Variants in PLCL2 observed in about 807,000 individuals in gnomAD.
PLCL2 encodes the protein inactive phospholipase C-like protein 2.
In PLCL2, 4 loss-of-function variants were observed where a neutral mutation model predicts 79.6. The observed-to-expected ratio is 0.05, with a 90% CI of 0.02 to 0.11. The LOEUF (loss-of-function observed/expected upper bound fraction) is 0.11, where lower values mean the gene tolerates loss of function less well. Among genes scored for constraint, PLCL2 ranks in the 10% least tolerant of loss-of-function variants. The pLI is 1.00. For missense variants in PLCL2, 895 were observed against 1,291.0 expected (o/e 0.69, Z 4.70); for synonymous variants, 484 against 457.7 (o/e 1.06, Z -0.73).
At chr3:17,051,259 G>A (rs1040431915) in intron 4 of PLCL2, among the ~76,000 whole-genome samples, 1 of 152,110 alleles carries the variant, frequency 6.6e-6, no homozygotes, top group Admixed American at 6.6e-5. Context: ...CAGGGGTGCT[G>A]TAGTCATTAA....
chr3:16,921,179 G>C (rs1018059562), intron 1 of PLCL2, among the ~76,000 whole-genome samples: 1 of 152,216 alleles, frequency 6.6e-6, no homozygotes, highest in Non-Finnish European at 1.5e-5. Flanking sequence ...ACATGGTAGG[G>C]AGAGAGCTAG....
At chr3:17,057,279 C>G (rs774287849) in intron 4 of PLCL2, among the ~76,000 whole-genome samples, 3 of 152,172 alleles carry the variant, frequency 2.0e-5, no homozygotes, top group Non-Finnish European at 4.4e-5. Context: ...CTCAGCATTT[C>G]TCAAACTTAT....
At chr3:16,912,881 C>A (rs1455686804) in intron 1 of PLCL2, among the ~76,000 whole-genome samples, 1 of 152,212 alleles carries the variant, frequency 6.6e-6, no homozygotes, top group East Asian at 1.9e-4. Flanking sequence ...TGACTGTATT[C>A]TCATCATCCC....
chr3:17,003,196 T>C lies in PLCL2; in HGVS notation c.328-6478T>C, dbSNP rs1166522412. Among the ~76,000 whole-genome samples the C allele has an allele frequency of 3.9e-5, 6 of 152,198 alleles. No individual in the cohort carries two copies. In the East Asian group the frequency reaches 1.2e-3, roughly 29 times the overall value. ...TTTTGGTATGACCTGCAATTTTTAT[T>C]GGATACAAAAATCATGGTTAATAGA... On this transcript the variant is annotated intron_variant, in intron 1 of 5. Coordinates refer to ENST00000615277, the MANE Select transcript of PLCL2 (RefSeq NM_001144382.2).
At chr3:16,896,908 A>G (rs1229335133) in intron 1 of PLCL2, among the ~76,000 whole-genome samples, 1 of 152,240 alleles carries the variant, frequency 6.6e-6, no homozygotes, top group Non-Finnish European at 1.5e-5. Context: ...CAATTGAATC[A>G]GAACCTCTGG....
chr3:16,991,093 C>T (rs1298934849), intron 1 of PLCL2, among the ~76,000 whole-genome samples: 1 of 152,194 alleles, frequency 6.6e-6, no homozygotes, highest in Non-Finnish European at 1.5e-5. Flanking sequence ...CTTACCCAGC[C>T]TTCAGTCTGC....
intron 4 of PLCL2, among the ~76,000 whole-genome samples, chr3:17,067,263 G>A (rs1412266285): frequency 2.0e-5 from 3 of 152,058 alleles, no homozygotes; most frequent in African/African-American, 4.8e-5. Context: ...TTATATTGGT[G>A]TGATTAGGAA....
chr3:16,954,853 T>G (rs1044233889), intron 1 of PLCL2, among the ~76,000 whole-genome samples: 1 of 152,202 alleles, frequency 6.6e-6, no homozygotes, highest in Non-Finnish European at 1.5e-5. Context: ...TCAAGTCCTT[T>G]GCCCACTTTT....
chr3:17,021,448 G>A (rs1045881751), intron 3 of PLCL2, among the ~76,000 whole-genome samples: 2 of 152,118 alleles, frequency 1.3e-5, no homozygotes, highest in Non-Finnish European at 2.9e-5. Context: ...CACAGTGATC[G>A]GGAGCTGGGA....
At chr3:16,966,063 G>A (rs2063803167) in intron 1 of PLCL2, among the ~76,000 whole-genome samples, 1 of 151,948 alleles carries the variant, frequency 6.6e-6, no homozygotes, top group African/African-American at 2.4e-5. Context: ...TGTTGAATAG[G>A]AGTGGTGAGA....
intron 1 of PLCL2, among the ~76,000 whole-genome samples, chr3:16,904,248 A>C (rs1323815968): frequency 6.6e-6 from 1 of 151,604 alleles, no homozygotes; most frequent in Non-Finnish European, 1.5e-5. Flanking sequence ...CACAGTTGTC[A>C]ATTTGGCCAG....
intron 1 of PLCL2, among the ~76,000 whole-genome samples, chr3:16,993,547 T>C (rs2064124908): frequency 6.6e-6 from 1 of 152,240 alleles, no homozygotes; most frequent in Non-Finnish European, 1.5e-5. Flanking sequence ...GTAATTGGTA[T>C]GGCAGCCTGA....
Position 17,042,893 on chromosome 3 carries a change from C to G in PLCL2, c.3038C>G (p.Ala1013Gly). ...TTGCAGATGATTCAGTCCCTCAAGG[C>G]GTTGATTGAAAATGCAGATGCTGTA... is the stretch of plus-strand genomic sequence containing the variant. ...TYDMMIQSLK[A>G]LIENADAVYE... The change falls in exon 4 of 6, where the codon GCG becomes GGG. Residue 1013 changes from alanine (A) to glycine (G), a missense_variant. Physicochemically the swap from Ala to Gly is moderately conservative, Grantham distance 60 (BLOSUM62 0). Coordinates refer to ENST00000615277, the MANE Select transcript of PLCL2 (RefSeq NM_001144382.2). 6.2e-7 allele frequency: 1 copy of G among 1,611,422 alleles called. No homozygotes were observed. Among genetic ancestry groups the G allele is most frequent in the Non-Finnish European group, 8.5e-7 (1 of 1,177,820 alleles).
At chr3:16,945,023 G>T (rs1420761372) in intron 1 of PLCL2, among the ~76,000 whole-genome samples, 1 of 152,196 alleles carries the variant, frequency 6.6e-6, no homozygotes, top group Non-Finnish European at 1.5e-5. Flanking sequence ...GCCTCCCAGA[G>T]TGCTGGGATT....
intron 5 of PLCL2, among the ~76,000 whole-genome samples, chr3:17,068,700 A>T (rs2065033247): frequency 6.6e-6 from 1 of 152,160 alleles, no homozygotes; most frequent in Admixed American, 6.5e-5. Context: ...TCAAAGGTAA[A>T]CACAATCCCA....
chr3:17,080,113 C>T (rs188374394), intron 5 of PLCL2, among the ~76,000 whole-genome samples: 2 of 152,308 alleles, frequency 1.3e-5, no homozygotes, highest in Admixed American at 1.3e-4. Flanking sequence ...ATTTGCAGCT[C>T]ATGTTCCATG....
At chr3:17,042,979 A>C in intron 4 of PLCL2, 30 bp downstream of exon 4, 1 of 1,401,820 alleles carries the variant, frequency 7.1e-7, no homozygotes, top group Non-Finnish European at 1.0e-6. Context: ...CTCTCTTTAA[A>C]TGAAATTAAT....
At chr3:17,019,698 T>A (rs1246616899) in intron 3 of PLCL2, among the ~76,000 whole-genome samples, 2 of 152,184 alleles carry the variant, frequency 1.3e-5, no homozygotes, top group Non-Finnish European at 2.9e-5. Flanking sequence ...TTAATGCACT[T>A]AAAATAAAGA....
At chr3:17,073,258 A>G (rs2065077945) in intron 5 of PLCL2, among the ~76,000 whole-genome samples, 2 of 152,236 alleles carry the variant, frequency 1.3e-5, no homozygotes, top group South Asian at 4.1e-4. Flanking sequence ...AGTGAGTCAC[A>G]TGATTTTTTT....
Sources: allele counts gnomAD v4.1 joint callset (sites outside exome capture counted in the v4.1 genomes callset), GRCh38; gene constraint gnomAD v4.1.1; transcripts MANE v1.5; gene names NCBI Gene and HGNC (gene_info 2026-07-23, HGNC 2026-07-21).